The following RNF112 variants were observed in gnomAD, a reference collection of about 807,000 sequenced individuals.
The protein encoded by RNF112 is ring finger protein 112.
In RNF112, 34 loss-of-function variants were observed where a neutral mutation model predicts 64.7. The observed-to-expected ratio is 0.53, with a 90% CI of 0.40 to 0.70. The LOEUF (loss-of-function observed/expected upper bound fraction) is 0.70, where lower values mean the gene tolerates loss of function less well. Ranked by LOEUF, RNF112 falls within the 30% of genes least tolerant of loss-of-function variation. The probability of loss-of-function intolerance (pLI) is 0.00; values close to 1 mark genes in which losing one functional copy is unlikely to be tolerated. For missense variants in RNF112, 734 were observed against 850.0 expected, an observed-to-expected ratio of 0.86 and a Z score of 1.70; for synonymous variants, 345 against 344.5, an observed-to-expected ratio of 1.00 and a Z score of -0.02.
Position 19,416,372 on chromosome 17 carries a change from G to A in RNF112, c.*197G>A, listed in dbSNP as rs1356780272. The A allele has an allele frequency of 8.7e-6, 5 of 571,612 alleles. No homozygotes were observed. The highest frequency in any genetic ancestry group is 1.5e-5 in the Non-Finnish European group (5 of 327,710). The allele number at this position is 571,612 out of a possible 1,614,324, so 35.4% of individuals were successfully genotyped here. ...GGAACCTGGGAGGCAGCATCTGGGG[G>A]CAGTGGATAGAACACCCGGCCTGTT... is the stretch of plus-strand genomic sequence containing the variant. On this transcript the variant is annotated 3_prime_UTR_variant, in exon 14 of 14. Transcript: ENST00000461366.
intron 7 of RNF112, 22 bp from the exon 8 acceptor site, chr17:19,414,427 G>A (rs755156125): frequency 8.7e-6 from 14 of 1,613,816 alleles, no homozygotes; most frequent in South Asian, 3.3e-5. Context: ...CAGCCCTGAC[G>A]CTTTCTGTGT....
chr17:19,415,355 G>C lies in RNF112; in HGVS notation c.1350+16G>C. ...TCCGGATGAGGTATGAGCGCTGGGG[G>C]ATCCAGCATTCTGGCAGGGAGACAG... On this transcript the variant is annotated intron_variant, in intron 12 of 13. Transcript: ENST00000461366. The surrounding 1 kb of genome is among the most constrained non-coding windows in gnomAD (Gnocchi z 7.8). 1.9e-6 allele frequency: 3 copies of C among 1,590,446 alleles called. No individual in the cohort carries two copies. The highest frequency in any genetic ancestry group is 2.6e-6 in the Non-Finnish European group (3 of 1,167,816).
intron 7 of RNF112, 49 bp from the exon 8 acceptor site, chr17:19,414,400 T>A (rs763859718): frequency 1.9e-6 from 3 of 1,608,428 alleles, no homozygotes; most frequent in Non-Finnish European, 2.6e-6. Flanking sequence ...GGGTGCACCA[T>A]AGTCCTCAAA....
chr17:19,412,883 C>T lies in RNF112; in HGVS notation c.382-55C>T. On this transcript the variant is annotated intron_variant, in intron 3 of 13. Transcript: ENST00000461366. The surrounding 1 kb of genome is among the most constrained non-coding windows in gnomAD (Gnocchi z 5.1). The stretch of plus-strand genomic sequence containing the variant: ...ACAGAGCTCCAGGCTGAACACATTC[C>T]AGGGTCAGGAGCTGGTCCTGGATGC... The T allele has an allele frequency of 6.4e-7, 1 of 1,566,730 alleles. No homozygotes were observed. Among genetic ancestry groups the T allele is most frequent in the Non-Finnish European group, 8.6e-7 (1 of 1,158,196 alleles).
Position 19,412,899 on chromosome 17 carries a change from T to A in RNF112, c.382-39T>A. 1 of 1,563,162 alleles carries A rather than the reference T, an allele frequency of 6.4e-7. No homozygotes were observed. The highest frequency in any genetic ancestry group is 8.7e-7 in the Non-Finnish European group (1 of 1,154,636). On this transcript the variant is annotated intron_variant, in intron 3 of 13. Transcript: ENST00000461366. This position sits in a 1 kb window ranked among gnomAD's most constrained non-coding sequence, Gnocchi z 5.1. ...AACACATTCCAGGGTCAGGAGCTGG[T>A]CCTGGATGCTCAGGGGCCCCTCTCT...
chr17:19,411,736 C>G (rs1160000138), intron 2 of RNF112, 66 bp downstream of exon 2: 2 of 1,500,856 alleles, frequency 1.3e-6, no homozygotes, highest in Admixed American at 2.0e-5. Flanking sequence ...TTGAAATGGC[C>G]GGTCCTGGAA....
At position 19,414,637 on chromosome 17, in the gene RNF112, G is replaced by A; in HGVS notation, c.985G>A (p.Gly329Arg). ...ATCCCACCCCAACAAGGCAGGGCAG[G>A]GGCATGTAGGCAACATCTTCCAGGT... ...DSSHPNKAGQ[G>R]HVGNIFQRLS... Residue 329 changes from glycine (G) to arginine (R), a missense_variant, in exon 9 of 14, where the codon GGG becomes AGG. Transcript: ENST00000461366. 2.5e-6 allele frequency: 4 copies of A among 1,613,044 alleles called. No homozygotes were observed. Among genetic ancestry groups the A allele is most frequent in the Non-Finnish European group, 3.4e-6 (4 of 1,179,866 alleles).
At position 19,412,469 on chromosome 17, in the gene RNF112, G is replaced by A. The variant is rs1161160138; in HGVS notation, c.96-29G>A. 6 of 1,598,774 alleles carry A rather than the reference G, an allele frequency of 3.8e-6. No individual in the cohort carries two copies. The highest frequency in any genetic ancestry group is 1.4e-5 in the African/African-American group (1 of 73,822). ...ACCCCCTGCCCCCAATAGACATCCT[G>A]CTTTTCAATGGCCTGTTTTGCCCCA... On this transcript the variant is annotated intron_variant, in intron 2 of 13. Transcript: ENST00000461366. This position sits in a 1 kb window ranked among gnomAD's most constrained non-coding sequence, Gnocchi z 5.1.
At chr17:19,414,380 G>A (rs1198267579) in intron 7 of RNF112, 69 bp from the exon 8 acceptor site, 1 of 1,584,808 alleles carries the variant, frequency 6.3e-7, no homozygotes, top group East Asian at 2.2e-5. Context: ...GAGGTGGGGA[G>A]ACAGGCTTGG....
In RNF112 at chr17:19,413,206, A is replaced by C; in HGVS notation, c.588+62A>C. On this transcript the variant is annotated intron_variant, in intron 4 of 13. Transcript: ENST00000461366. This position sits in a 1 kb window ranked among gnomAD's most constrained non-coding sequence, Gnocchi z 5.9. The stretch of plus-strand genomic sequence containing the variant: ...AAGGATGGGGGTTCCTGCCTGGGGG[A>C]AGCTGGGTCTGGTATTCCGGTCTGT... The C allele has an allele frequency of 6.3e-7, 1 of 1,595,506 alleles. No homozygotes were observed. The highest frequency in any genetic ancestry group is 8.6e-7 in the Non-Finnish European group (1 of 1,168,842).
rs932086038 is a variant in RNF112, at chr17:19,415,446, G to C, written c.1351-72G>C. On this transcript the variant is annotated intron_variant, in intron 12 of 13. Transcript: ENST00000461366. This position sits in a 1 kb window ranked among gnomAD's most constrained non-coding sequence, Gnocchi z 7.8. ...TGGGGGTCTGTGTGCCCTGGGAGTG[G>C]AGATGAGGAAACAAGCAGCGCCCCT... 43 of 1,558,424 alleles carry C rather than the reference G, an allele frequency of 2.8e-5. No individual in the cohort carries two copies. Among genetic ancestry groups the C allele is most frequent in the African/African-American group, 2.4e-4 (18 of 73,794 alleles).
chr17:19,412,467 C>T lies in RNF112; in HGVS notation c.96-31C>T. On this transcript the variant is annotated intron_variant, in intron 2 of 13. Coordinates refer to ENST00000461366, the MANE Select transcript of RNF112 (RefSeq NM_007148.5). This position sits in a 1 kb window ranked among gnomAD's most constrained non-coding sequence, Gnocchi z 5.1. ...GTACCCCCTGCCCCCAATAGACATC[C>T]TGCTTTTCAATGGCCTGTTTTGCCC... 1.3e-6 allele frequency: 2 copies of T among 1,598,746 alleles called. No homozygotes were observed. Among genetic ancestry groups the T allele is most frequent in the Non-Finnish European group, 8.5e-7 (1 of 1,175,434 alleles).
Position 19,413,404 on chromosome 17 carries a change from GGAA to G in RNF112, c.718_720del (p.Lys240del). The G allele has an allele frequency of 1.2e-6, 2 of 1,611,892 alleles. No homozygotes were observed. The highest frequency in any genetic ancestry group is 1.7e-6 in the Non-Finnish European group (2 of 1,178,708). On this transcript the variant is annotated inframe_deletion, in exon 5 of 14. Coordinates refer to ENST00000461366, the MANE Select transcript of RNF112 (RefSeq NM_007148.5). The surrounding 1 kb of genome is among the most constrained non-coding windows in gnomAD (Gnocchi z 5.9). Reference sequence around the variant, plus strand: ...CACCCCTTCTTGCTGGGGAAAGAAGGGAAGAAGGTGAGGGGGGAAGTGGCAGAA... The same window carrying G: ...CACCCCTTCTTGCTGGGGAAAGAAGGGAAGGTGAGGGGGGAAGTGGCAGAA...
chr17:19,411,327 G>A lies in RNF112; in HGVS notation c.-82G>A, dbSNP rs1015574227. The A allele has an allele frequency of 1.1e-5, 15 of 1,385,346 alleles. No homozygotes were observed. The Admixed American group carries it at 2.3e-4, about 21-fold the overall frequency. The allele number at this position is 1,385,346 out of a possible 1,614,324, so 85.8% of individuals were successfully genotyped here. On this transcript the variant is annotated 5_prime_UTR_variant, in exon 1 of 14. Transcript: ENST00000461366. ...TACCGCAGCCTGCTAGCCTTTCCGG[G>A]AGAAAAGGCATCCTTACCTCTGGTT... is the stretch of plus-strand genomic sequence containing the variant.
At position 19,415,759 on chromosome 17, in the gene RNF112, C is replaced by T. The variant is rs562023386; in HGVS notation, c.1480C>T (p.Arg494Trp). The T allele has an allele frequency of 1.9e-6, 3 of 1,613,176 alleles. No homozygotes were observed. Among genetic ancestry groups the T allele is most frequent in the African/African-American group, 1.3e-5 (1 of 74,948 alleles). ...GCTGCGGGTCCTGCCAGACACCATG[C>T]GGAACCTCCTCTCCACCCAGAAAGA... ...SALRVLPDTMRNLLSTQKDAI... is the reference protein window; with the variant it reads ...SALRVLPDTMWNLLSTQKDAI... Residue 494 changes from arginine to tryptophan, a missense_variant, in exon 14 of 14, where the codon CGG (arginine) becomes TGG (tryptophan). Arg to Trp is a moderately radical substitution (Grantham distance 101). Transcript: ENST00000461366. The surrounding 1 kb of genome is among the most constrained non-coding windows in gnomAD (Gnocchi z 7.8).
Position 19,414,940 on chromosome 17 carries a change from G to A in RNF112, c.1126+53G>A, listed in dbSNP as rs550809304. 229 of 1,595,990 alleles carry A rather than the reference G, an allele frequency of 1.4e-4. 1 individual carries two copies. The highest frequency in any genetic ancestry group is 2.5e-4 in the Admixed American group (15 of 59,632). On this transcript the variant is annotated intron_variant, in intron 10 of 13. Coordinates refer to ENST00000461366, the MANE Select transcript of RNF112 (RefSeq NM_007148.5). ...CTTGCGCTGCTCCCAGCTCCCCTCC[G>A]GCAACCGAGCCCCTTGAAGCACCCA...
In RNF112 at chr17:19,412,675, G is replaced by T. The variant is rs149061657; in HGVS notation, c.273G>T (p.Pro91=). The T allele has an allele frequency of 3.1e-6, 5 of 1,613,338 alleles. No homozygotes were observed. Among genetic ancestry groups the T allele is most frequent in the Non-Finnish European group, 4.2e-6 (5 of 1,179,756 alleles). The change falls in exon 3 of 14, where the codon CCG becomes CCT. Residue 91 remains proline, a synonymous_variant. Transcript: ENST00000461366. This position sits in a 1 kb window ranked among gnomAD's most constrained non-coding sequence, Gnocchi z 5.1. ...CACACCGTCTCCCGGGCTGTGAGCC[G>T]CCCTGCTGTCCTGAGTGCCGGAAGA... ...FSTHRLPGCE[P]PCCPECRKIC...
chr17:19,413,465 G>T lies in RNF112; in HGVS notation c.720+54G>T, dbSNP rs1913747159. ...AGGGATGGGAAGGGGAATCAAGAAGGGCGTCTCTGGGGTGAGGATAGAAGA... is the reference window on the plus strand; with the variant it reads ...AGGGATGGGAAGGGGAATCAAGAAGTGCGTCTCTGGGGTGAGGATAGAAGA... On this transcript the variant is annotated intron_variant, in intron 5 of 13. Transcript: ENST00000461366. This position sits in a 1 kb window ranked among gnomAD's most constrained non-coding sequence, Gnocchi z 5.9. 1 of 1,580,038 alleles carries T rather than the reference G, an allele frequency of 6.3e-7. No homozygotes were observed. The highest frequency in any genetic ancestry group is 8.7e-7 in the Non-Finnish European group (1 of 1,154,052).
Position 19,415,348 on chromosome 17 carries a change from G to A in RNF112, c.1350+9G>A, listed in dbSNP as rs758225118. On this transcript the variant is annotated intron_variant, in intron 12 of 13. Transcript: ENST00000461366. The surrounding 1 kb of genome is among the most constrained non-coding windows in gnomAD (Gnocchi z 7.8). Reference sequence around the variant, plus strand: ...TCACCTCTCCGGATGAGGTATGAGCGCTGGGGGATCCAGCATTCTGGCAGG... The same window carrying A: ...TCACCTCTCCGGATGAGGTATGAGCACTGGGGGATCCAGCATTCTGGCAGG... 5.0e-6 allele frequency: 8 copies of A among 1,595,764 alleles called. No individual in the cohort carries two copies. The highest frequency in any genetic ancestry group is 3.5e-5 in the Admixed American group (2 of 56,882).
Sources: gnomAD v4.1 joint callset for allele counts on GRCh38, gnomAD v4.1.1 for gene constraint, Gnocchi (gnomAD v3.1) non-coding constraint, MANE v1.5 for transcripts, NCBI Gene and HGNC (gene_info 2026-07-23, HGNC 2026-07-21) for gene names.